Variants in ANKFY1 observed in about 807,000 individuals in gnomAD.
The protein encoded by ANKFY1 is ankyrin repeat and FYVE domain containing 1.
ANKFY1 carries 47 observed loss-of-function variants against 128.3 expected under a neutral mutation model. The observed-to-expected ratio is 0.37, with a 90% CI of 0.29 to 0.47. The LOEUF is 0.47. Ranked by LOEUF, ANKFY1 falls within the 20% of genes least tolerant of loss-of-function variation. The pLI is 1.00. For missense variants in ANKFY1, 1,222 were observed against 1,510.6 expected, an observed-to-expected ratio of 0.81 and a Z score of 3.17; for synonymous variants, 553 against 601.6, an observed-to-expected ratio of 0.92 and a Z score of 1.18.
chr17:4,185,228 C>T (rs62066538), intron 11 of ANKFY1, among the ~76,000 whole-genome samples, 182 bp from the exon 12 acceptor site: 9 of 152,234 alleles, frequency 5.9e-5, no homozygotes, highest in Admixed American at 1.3e-4. Context: ...TGTTTTGAGA[C>T]GGAGTCCCGC....
chr17:4,223,824 G>A (rs575347642), intron 3 of ANKFY1: 20 of 1,344,090 alleles, frequency 1.5e-5, no homozygotes, highest in East Asian at 7.2e-5. Flanking sequence ...GGGGGCCTAC[G>A]TCTGACTCTT....
chr17:4,212,073 G>A (rs1271207248), intron 4 of ANKFY1, among the ~76,000 whole-genome samples: 1 of 152,190 alleles, frequency 6.6e-6, no homozygotes, highest in Non-Finnish European at 1.5e-5. Context: ...GCCTTAGGGA[G>A]TCTCCCATGA....
chr17:4,239,046 C>T (rs1418641113), intron 2 of ANKFY1, among the ~76,000 whole-genome samples: 1 of 152,160 alleles, frequency 6.6e-6, no homozygotes, highest in Non-Finnish European at 1.5e-5. Context: ...GAGTGAGCCA[C>T]CACGCCCGGC....
rs1019843778 is a variant in ANKFY1 at position 4,185,002 on chromosome 17, G to T, written c.1515C>A (p.Asn505Lys). ...CTTGCTGCAGGAGCTCTGCCGTGAGGTTGGCCAGGCCATGCCGACACGCTG... is the reference window on the plus strand; with the variant it reads ...CTTGCTGCAGGAGCTCTGCCGTGAGTTTGGCCAGGCCATGCCGACACGCTG... ...LHTACRHGLA[N>K]LTAELLQQGA... Residue 505 changes from asparagine (N) to lysine (K), a missense_variant, in exon 12 of 25, where the codon AAC (asparagine) becomes AAA (lysine). Coordinates refer to ENST00000341657, the MANE Select transcript of ANKFY1 (RefSeq NM_001330063.2). The T allele has an allele frequency of 1.2e-6, 2 of 1,613,786 alleles. No individual in the cohort carries two copies. Among genetic ancestry groups the T allele is most frequent in the South Asian group, 1.1e-5 (1 of 91,082 alleles).
rs4611493 is a variant in ANKFY1, at chr17:4,222,874, G to A, written c.323-5756C>T. ...TCCACCCAGACGACTCAGTATCCGA[G>A]AGCTGACACACCCAACAATCCAACT... On this transcript the variant is annotated intron_variant, in intron 3 of 24. Transcript: ENST00000341657. 9,701 of 977,082 alleles carry A rather than the reference G, an allele frequency of 9.9e-3. 589 individuals carry two copies. The African/African-American group carries it at 0.13, about 13-fold the overall frequency. The allele number at this position is 977,082 out of a possible 1,614,324, so 60.5% of individuals were successfully genotyped here.
chr17:4,263,923 A>T lies in ANKFY1; in HGVS notation c.10+9T>A, dbSNP rs753664747. ...TGTCTTCCCGCGCGGCTCCACAAAA[A>T]AACCCTACCTTCCGCCATGTCTGGC... On this transcript the variant is annotated intron_variant, in intron 1 of 24. Transcript: ENST00000341657. 10 of 1,613,810 alleles carry T rather than the reference A, an allele frequency of 6.2e-6. No individual in the cohort carries two copies. Among genetic ancestry groups the T allele is most frequent in the Non-Finnish European group, 5.9e-6 (7 of 1,179,922 alleles).
chr17:4,250,327 AT>A (rs1392335652), intron 1 of ANKFY1, among the ~76,000 whole-genome samples: 3 of 151,826 alleles, frequency 2.0e-5, no homozygotes, highest in African/African-American at 7.2e-5. Context: ...TCTTCCTCAA[AT>A]CAAAGTCTTC....
At chr17:4,192,210 TTGCTC>T (rs746056643) in intron 10 of ANKFY1, among the ~76,000 whole-genome samples, 2 of 144,190 alleles carry the variant, frequency 1.4e-5, no homozygotes, top group African/African-American at 5.3e-5. Context: ...TAGTTGATGG[TTGCTC>T]TAATCTGGAG....
chr17:4,177,178 G>A lies in ANKFY1; in HGVS notation c.2723C>T (p.Thr908Ile). 1 of 1,608,042 alleles carries A rather than the reference G, an allele frequency of 6.2e-7. No homozygotes were observed. Among genetic ancestry groups the A allele is most frequent in the East Asian group, 2.2e-5 (1 of 44,646 alleles). ...TGCTTGGACAGCGAGGTGCAGGGGG[G>A]TCAACTTGGAGGCATCCTGGACTCT... ...NSRVQDASKL[T>I]PLHLAVQAGS... is the part of the protein sequence containing the mutation. The change falls in exon 19 of 25, where the codon ACC becomes ATC. Residue 908 changes from threonine to isoleucine, a missense_variant. By Grantham distance (89) the Thr-to-Ile change is moderately conservative (BLOSUM62 -1). Coordinates refer to ENST00000341657, the MANE Select transcript of ANKFY1 (RefSeq NM_001330063.2).
chr17:4,203,438 C>T (rs1348496616), intron 7 of ANKFY1, among the ~76,000 whole-genome samples: 1 of 152,106 alleles, frequency 6.6e-6, no homozygotes, highest in Non-Finnish European at 1.5e-5. Context: ...CTTCATTATT[C>T]AATTAATACA....
rs754908768 is a variant in ANKFY1, at chr17:4,217,079, A to G, written c.362T>C (p.Ile121Thr). Residue 121 changes from isoleucine (I) to threonine (T), a missense_variant, in exon 4 of 25, where the codon ATC becomes ACC. Transcript: ENST00000341657. ...TCTGAACTCCAGCTCATCTGTATAGATCCAGCGAAGCATTGTCATCGTCAC... is the reference window on the plus strand; with the variant it reads ...TCTGAACTCCAGCTCATCTGTATAGGTCCAGCGAAGCATTGTCATCGTCAC... Reference protein sequence around the residue: ...PEVTMTMLRWIYTDELEFRED... With the variant: ...PEVTMTMLRWTYTDELEFRED... 2 of 1,613,608 alleles carry G rather than the reference A, an allele frequency of 1.2e-6. No individual in the cohort carries two copies. Among genetic ancestry groups the G allele is most frequent in the Non-Finnish European group, 1.7e-6 (2 of 1,179,898 alleles).
intron 10 of ANKFY1, among the ~76,000 whole-genome samples, chr17:4,192,987 A>C (rs1370791111): frequency 6.6e-6 from 1 of 152,202 alleles, no homozygotes; most frequent in Non-Finnish European, 1.5e-5. Flanking sequence ...AACAATTAAA[A>C]CTATATAATA....
rs1187697939 is a variant in ANKFY1, at chr17:4,194,980, G to A, written c.1370C>T (p.Thr457Ile). 2 of 1,614,208 alleles carry A rather than the reference G, an allele frequency of 1.2e-6. No individual in the cohort carries two copies. Among genetic ancestry groups the A allele is most frequent in the Non-Finnish European group, 1.7e-6 (2 of 1,180,042 alleles). The change falls in exon 10 of 25, where the codon ACA becomes ATA. Residue 457 changes from threonine (T) to isoleucine (I), a missense_variant and splice_region_variant. Coordinates refer to ENST00000341657, the MANE Select transcript of ANKFY1 (RefSeq NM_001330063.2). Reference sequence around the variant, plus strand: ...CCTTCGGGAGGCACGTGCTTTACCTGTCGCCGTGTCAGGTGCGTCTGTGTG... The same window carrying A: ...CCTTCGGGAGGCACGTGCTTTACCTATCGCCGTGTCAGGTGCGTCTGTGTG... ...GSHTDAPDTA[T>I]GNCLLQRAAG... is the part of the protein sequence containing the mutation.
chr17:4,188,070 C>G (rs959552331), intron 11 of ANKFY1: 3 of 152,424 alleles, frequency 2.0e-5, no homozygotes, highest in Admixed American at 1.3e-4. Context: ...GACAGAGACA[C>G]ACGATGGCAA....
rs896335178 is a variant in ANKFY1 at position 4,166,420 on chromosome 17, A to G, written c.*1359T>C. ...GAGTATAACACATATTGTTCATCTC[A>G]GAGTTGTTTTGTTTTAAAGCCGTGG... On this transcript the variant is annotated 3_prime_UTR_variant, in exon 25 of 25. Coordinates refer to ENST00000341657, the MANE Select transcript of ANKFY1 (RefSeq NM_001330063.2). The G allele has an allele frequency of 6.5e-6, 1 of 152,788 alleles. No homozygotes were observed. Among genetic ancestry groups the G allele is most frequent in the African/African-American group, 2.4e-5 (1 of 41,590 alleles). The allele number at this position is 152,788 out of a possible 1,614,324, so 9.5% of individuals were successfully genotyped here.
chr17:4,240,746 AAC>A (rs1277571682), intron 2 of ANKFY1, among the ~76,000 whole-genome samples: 1 of 152,198 alleles, frequency 6.6e-6, no homozygotes, highest in Non-Finnish European at 1.5e-5. Flanking sequence ...CAAACTGGAA[AAC>A]ACACAGCTTT....
At chr17:4,243,230 C>A (rs1967349852) in intron 1 of ANKFY1, among the ~76,000 whole-genome samples, 1 of 152,020 alleles carries the variant, frequency 6.6e-6, no homozygotes, top group Non-Finnish European at 1.5e-5. Flanking sequence ...CCATGCCCAG[C>A]TCATTTTTTG....
rs546304856 is a variant in ANKFY1, at chr17:4,197,529, T to C, written c.947A>G (p.Asn316Ser). ...TFLIKNGAFV[N>S]AATLGAQETP... ...CTCCTGGGCACCCAGTGTAGCAGCG[T>C]TGACAAAGGCCCCATTCTTAATGAG... Residue 316 changes from asparagine to serine, a missense_variant, in exon 8 of 25, where the codon AAC (asparagine) becomes AGC (serine). Asn to Ser is a conservative substitution (Grantham distance 46, BLOSUM62 1). Coordinates refer to ENST00000341657, the MANE Select transcript of ANKFY1 (RefSeq NM_001330063.2). 58 of 1,614,146 alleles carry C rather than the reference T, an allele frequency of 3.6e-5. No individual in the cohort carries two copies. Among genetic ancestry groups the C allele is most frequent in the Middle Eastern group, 3.3e-4 (2 of 6,060 alleles).
intron 1 of ANKFY1, among the ~76,000 whole-genome samples, chr17:4,262,285 G>A (rs1321456800): frequency 6.6e-6 from 1 of 151,960 alleles, no homozygotes; most frequent in African/African-American, 2.4e-5. Flanking sequence ...ACAGGCACCC[G>A]CCATCACTCC....
Sources: allele counts gnomAD v4.1 joint callset (sites outside exome capture counted in the v4.1 genomes callset), GRCh38; gene constraint gnomAD v4.1.1; transcripts MANE v1.5; gene names NCBI Gene and HGNC (gene_info 2026-07-23, HGNC 2026-07-21).